Variants in TYW1B observed in about 807,000 individuals in gnomAD.
The protein encoded by TYW1B is S-adenosyl-L-methionine-dependent tRNA 4-demethylwyosine synthase TYW1B.
A neutral mutation model predicts 86.9 loss-of-function variants in TYW1B; 73 were observed. The ratio of observed to expected loss-of-function variants is 0.84; its 90% CI spans 0.70 to 1.02. The LOEUF is 1.02. Ranked by LOEUF, TYW1B falls within the 50% of genes least tolerant of loss-of-function variation. TYW1B has a pLI of 0.00. For missense variants in TYW1B, 637 were observed against 827.4 expected (o/e 0.77, Z 2.82); for synonymous variants, 248 against 292.8 (o/e 0.85, Z 1.56).
chr7:72,816,898 T>A (rs1788734617), intron 2 of TYW1B, among the ~76,000 whole-genome samples: 2 of 152,128 alleles, frequency 1.3e-5, no homozygotes, highest in African/African-American at 4.8e-5. Flanking sequence ...AGCTCTTCCA[T>A]TCGGCCGTTC....
intron 9 of TYW1B, among the ~76,000 whole-genome samples, chr7:72,727,831 A>AAAAAG (rs1554237443): frequency 1.9e-4 from 20 of 104,156 alleles, no homozygotes; most frequent in Non-Finnish European, 4.0e-4. Context: ...AAAAAAAAAA[A>AAAAAG]AAGAAGAAAG....
At chr7:72,633,433 T>C (rs868911782) in intron 11 of TYW1B, among the ~76,000 whole-genome samples, 3,767 of 149,172 alleles carry the variant, frequency 0.025, no homozygotes, top group African/African-American at 0.091. Context: ...GGAACCAGAA[T>C]AGGCTCTCTC....
chr7:72,745,932 T>C (rs1246472568), intron 7 of TYW1B, among the ~76,000 whole-genome samples: 2 of 151,388 alleles, frequency 1.3e-5, no homozygotes, highest in African/African-American at 4.9e-5. Context: ...TAGTGTGATC[T>C]TGACTCACTG....
intron 7 of TYW1B, among the ~76,000 whole-genome samples, chr7:72,751,269 C>T (rs1787495807): frequency 6.6e-6 from 1 of 152,122 alleles, no homozygotes; most frequent in Admixed American, 6.6e-5. Context: ...AACTCCTGAC[C>T]TCAGGTGATC....
chr7:72,642,713 C>T (rs1475210448), intron 11 of TYW1B, among the ~76,000 whole-genome samples: 1 of 152,116 alleles, frequency 6.6e-6, no homozygotes, highest in Non-Finnish European at 1.5e-5. Context: ...CCAGCCTGGC[C>T]AATATGGTGA....
At position 72,695,107 on chromosome 7, in the gene TYW1B, T is replaced by C. The variant is rs141996211; in HGVS notation, c.1371-285A>G. On this transcript the variant is annotated intron_variant, in intron 10 of 13. Coordinates refer to ENST00000620995, the MANE Select transcript of TYW1B (RefSeq NM_001145440.3). ...AAGTTTGAATGGAAAATAAACAAAA[T>C]GTGATCTAACTTCAGGTATGACAGC... Among the ~76,000 whole-genome samples, 795 of 152,244 alleles carry C rather than the reference T, an allele frequency of 5.2e-3. 7 individuals carry two copies. Among genetic ancestry groups the C allele is most frequent in the African/African-American group, 0.019 (770 of 41,558 alleles).
chr7:72,713,921 A>G (rs1208913408), intron 9 of TYW1B, 123 bp from the exon 10 acceptor site: 7 of 598,532 alleles, frequency 1.2e-5, no homozygotes, highest in Non-Finnish European at 2.0e-5. Context: ...ATACAAAACA[A>G]AGGCTAAAGG....
At chr7:72,582,903 G>C (rs782348681) in intron 13 of TYW1B, among the ~76,000 whole-genome samples, 2 of 152,140 alleles carry the variant, frequency 1.3e-5, no homozygotes, top group Non-Finnish European at 1.5e-5. Context: ...GCAGGAGATG[G>C]CATGGCTTGA....
Position 72,616,660 on chromosome 7 carries a change from A to G in TYW1B, c.1785+12T>C, listed in dbSNP as rs1563031613. On this transcript the variant is annotated intron_variant, in intron 13 of 13. Coordinates refer to ENST00000620995, the MANE Select transcript of TYW1B (RefSeq NM_001145440.3). ...CAGGGAACAGAAGATTCCATGTTTGAGTTATTCTTACCTTTCTGTGTGCTA... is the reference window on the plus strand; with the variant it reads ...CAGGGAACAGAAGATTCCATGTTTGGGTTATTCTTACCTTTCTGTGTGCTA... The G allele has an allele frequency of 6.2e-7, 1 of 1,613,892 alleles. No individual in the cohort carries two copies. Among genetic ancestry groups the G allele is most frequent in the African/African-American group, 1.3e-5 (1 of 74,922 alleles).
At chr7:72,692,202 T>A (rs1814183630) in intron 11 of TYW1B, among the ~76,000 whole-genome samples, 2 of 38,878 alleles carry the variant, frequency 5.1e-5, no homozygotes, top group East Asian at 5.2e-4. Context: ...AGAGACTCCA[T>A]CTCAAAAAAA....
chr7:72,579,327 G>A (rs1183279581), intron 13 of TYW1B, among the ~76,000 whole-genome samples: 1 of 152,178 alleles, frequency 6.6e-6, no homozygotes, highest in Non-Finnish European at 1.5e-5. Context: ...TAGGACAACT[G>A]TAAGCTAAAA....
chr7:72,634,270 C>CCAGT (rs1812614096), intron 11 of TYW1B, among the ~76,000 whole-genome samples: 1 of 151,964 alleles, frequency 6.6e-6, no homozygotes, highest in Admixed American at 6.6e-5. Flanking sequence ...CCTCAACCTC[C>CCAGT]CAGTCTCAAG....
intron 7 of TYW1B, among the ~76,000 whole-genome samples, chr7:72,772,308 C>T (rs2844114): frequency 6.6e-6 from 1 of 152,116 alleles, no homozygotes; most frequent in African/African-American, 2.4e-5. Flanking sequence ...TCATCAACTA[C>T]AGAATTTACA....
chr7:72,775,228 G>C (rs1787934384), intron 7 of TYW1B, among the ~76,000 whole-genome samples: 1 of 152,064 alleles, frequency 6.6e-6, no homozygotes, highest in Non-Finnish European at 1.5e-5. Flanking sequence ...GAAGCAAGTG[G>C]GTGGGTGGGG....
chr7:72,759,278 T>G (rs1787648668), intron 7 of TYW1B, among the ~76,000 whole-genome samples: 1 of 152,082 alleles, frequency 6.6e-6, no homozygotes, highest in Admixed American at 6.6e-5. Context: ...GAGGCTGCAG[T>G]GAGGTGAGAT....
intron 13 of TYW1B, among the ~76,000 whole-genome samples, chr7:72,595,620 T>G (rs1282597276): frequency 2.0e-5 from 3 of 152,004 alleles, no homozygotes; most frequent in Admixed American, 6.6e-5. Flanking sequence ...GAGGTGGAAG[T>G]AGCACCAAGT....
chr7:72,613,401 C>CTTTTTTTTTT (rs71517349), intron 13 of TYW1B, among the ~76,000 whole-genome samples: 12 of 80,976 alleles, frequency 1.5e-4, no homozygotes, highest in African/African-American at 3.2e-4. Context: ...TTTATATCTT[C>CTTTTTTTTTT]TTTTTTTTTT....
chr7:72,813,035 T>A (rs1282945029), intron 3 of TYW1B, among the ~76,000 whole-genome samples: 1 of 152,078 alleles, frequency 6.6e-6, no homozygotes, highest in Non-Finnish European at 1.5e-5. Flanking sequence ...CACAGCCATA[T>A]TCATTCATTT....
chr7:72,805,472 C>T (rs1157841408), intron 5 of TYW1B, among the ~76,000 whole-genome samples: 1 of 151,570 alleles, frequency 6.6e-6, no homozygotes, highest in Non-Finnish European at 1.5e-5. Context: ...ATTAGCTAGG[C>T]ATGGTGGCAC....
Sources: gnomAD v4.1 joint callset for allele counts (sites outside exome capture counted in the v4.1 genomes callset) on GRCh38, gnomAD v4.1.1 for gene constraint, MANE v1.5 for transcripts, NCBI Gene and HGNC (gene_info 2026-07-23, HGNC 2026-07-21) for gene names.